Variants in NYX observed in about 807,000 individuals in gnomAD.
NYX encodes leucine-rich repeat protein.
For missense variants in NYX, 481 were observed against 485.4 expected (o/e 0.99, Z 0.09); for synonymous variants, 258 against 245.7 (o/e 1.05, Z -0.47).
chrX:41,463,089 C>T (rs781301117), intron 2 of NYX, among the ~76,000 whole-genome samples: 9 of 111,552 alleles, frequency 8.1e-5, no homozygotes, highest in African/African-American at 9.8e-5. Context: ...GTTATCTCCA[C>T]GAAGCTTTGT....
chrX:41,469,733 G>GCCT (rs2064352560), intron 2 of NYX, among the ~76,000 whole-genome samples: 1 of 109,787 alleles, frequency 9.1e-6, no homozygotes, highest in African/African-American at 3.3e-5. Context: ...TTTTAGTAGA[G>GCCT]ACAGGGTTTC....
At chrX:41,456,541 A>G (rs1432073007) in intron 2 of NYX, among the ~76,000 whole-genome samples, 1 of 111,842 alleles carries the variant, frequency 8.9e-6, no homozygotes, top group Admixed American at 9.5e-5. Flanking sequence ...TCCAGCAAAA[A>G]TCCTGTGGCC....
rs1313158649 is a variant in NYX, at chrX:41,447,508, C to T, written c.-65C>T. The T allele has an allele frequency of 4.5e-6, 1 of 222,179 alleles. No individual in the cohort carries two copies. The allele number at this position is 222,179 out of a possible 1,213,427, so 18.3% of individuals were successfully genotyped here. On this transcript the variant is annotated 5_prime_UTR_variant, in exon 1 of 3. Transcript: ENST00000378220. ...TCAGAGGAGCAGGACCAGGGAGACT[C>T]CCAGGACGGTAAGCAACATTTGAGG...
chrX:41,467,272 A>G (rs1005653529), intron 2 of NYX, among the ~76,000 whole-genome samples: 1 of 110,831 alleles, frequency 9.0e-6, no homozygotes, highest in Non-Finnish European at 1.9e-5. Context: ...CTAAACATGT[A>G]CTTAGTCTTT....
At chrX:41,450,445 A>G (rs1421982851) in intron 2 of NYX, among the ~76,000 whole-genome samples, 1 of 109,174 alleles carries the variant, frequency 9.2e-6, no homozygotes, top group Non-Finnish European at 1.9e-5. Context: ...TAATTTTTGT[A>G]TGTTTAGTAG....
At position 41,462,855 on chromosome X, in the gene NYX, TTAA is replaced by T. The variant is rs1244076409; in HGVS notation, c.23-10634_23-10632del. ...CTTCATATATTTTAAATACAAGTCTTTAATGAGATATGTGACTTACAAATATTT... is the reference window on the plus strand; with the variant it reads ...CTTCATATATTTTAAATACAAGTCTTTGAGATATGTGACTTACAAATATTT... On this transcript the variant is annotated intron_variant, in intron 2 of 2. Coordinates refer to ENST00000378220, the MANE Select transcript of NYX (RefSeq NM_001378477.3). 2.6e-4 allele frequency among the ~76,000 whole-genome samples: 29 copies of T among 112,463 alleles called. 1 individual carries two copies. Among genetic ancestry groups the T allele is most frequent in the African/African-American group, 9.3e-4 (29 of 31,079 alleles).
intron 2 of NYX, among the ~76,000 whole-genome samples, chrX:41,459,098 C>T (rs1292771113): frequency 9.0e-6 from 1 of 110,764 alleles, no homozygotes; most frequent in African/African-American, 3.3e-5. Flanking sequence ...ACAACAACAA[C>T]AACAACAAAG....
At chrX:41,466,904 G>A (rs2064341922) in intron 2 of NYX, among the ~76,000 whole-genome samples, 1 of 93,122 alleles carries the variant, frequency 1.1e-5, no homozygotes, top group Non-Finnish European at 2.1e-5. Flanking sequence ...CAAGAGATTT[G>A]CTTGCTTCAG....
At chrX:41,448,015 G>A in intron 2 of NYX, 89 bp downstream of exon 2, 1 of 911,727 alleles carries the variant, frequency 1.1e-6, no homozygotes, top group South Asian at 2.1e-5. Context: ...AGTGGCTTCT[G>A]GGACAGCGGT....
At chrX:41,472,668 C>T in intron 2 of NYX, 1 of 413,617 alleles carries the variant, frequency 2.4e-6, no homozygotes, top group East Asian at 3.7e-5. Context: ...TTGGCGAGGT[C>T]CGTGGCTACT....
rs768139938 is a variant in NYX at position 41,474,592 on chromosome X, G to A, written c.1124G>A (p.Arg375His). ...GACCTCAGCCAGGTGACCTTCGGGC[G>A]CTCCTCCGATGGCCTCTGTGTGGAC... ...GLDLSQVTFG[R>H]SSDGLCVDPE... Residue 375 changes from arginine (R) to histidine (H), a missense_variant, in exon 3 of 3, where the codon CGC (arginine) becomes CAC (histidine). Transcript: ENST00000378220. 1.0e-5 allele frequency: 12 copies of A among 1,195,937 alleles called. No homozygotes were observed. The highest frequency in any genetic ancestry group is 7.0e-5 in the African/African-American group (4 of 57,008).
At chrX:41,468,032 G>A (rs1569265752) in intron 2 of NYX, among the ~76,000 whole-genome samples, 1 of 111,513 alleles carries the variant, frequency 9.0e-6, no homozygotes, top group Admixed American at 9.6e-5. Flanking sequence ...AAGTTTCAGA[G>A]GCTAAAAATA....
At chrX:41,469,692 G>A (rs1174341147) in intron 2 of NYX, among the ~76,000 whole-genome samples, 1 of 109,819 alleles carries the variant, frequency 9.1e-6, no homozygotes, top group Admixed American at 9.8e-5. Context: ...GATTATAGGT[G>A]CATGCCACCA....
At chrX:41,472,554 G>T in intron 2 of NYX, 1 of 549,665 alleles carries the variant, frequency 1.8e-6, no homozygotes, top group East Asian at 3.4e-5. Context: ...TCTGACTACA[G>T]GGGGGCTCTG....
chrX:41,467,868 AG>A (rs1267232064), intron 2 of NYX, among the ~76,000 whole-genome samples: 1 of 110,716 alleles, frequency 9.0e-6, no homozygotes, highest in Non-Finnish European at 1.9e-5. Context: ...TATATTGCCC[AG>A]GCTGGTCTGA....
At chrX:41,456,973 G>A (rs2064300689) in intron 2 of NYX, among the ~76,000 whole-genome samples, 1 of 111,189 alleles carries the variant, frequency 9.0e-6, no homozygotes, top group Admixed American at 9.7e-5. Flanking sequence ...ATTAGGTCCT[G>A]AGAGTGGAGC....
chrX:41,463,712 C>A (rs1449083429), intron 2 of NYX, among the ~76,000 whole-genome samples: 1 of 110,624 alleles, frequency 9.0e-6, no homozygotes, highest in Admixed American at 9.7e-5. Context: ...TGAGCCACCA[C>A]GTCCAGCCCA....
intron 2 of NYX, among the ~76,000 whole-genome samples, chrX:41,449,209 G>A (rs1183062772): frequency 9.0e-5 from 10 of 111,614 alleles, no homozygotes; most frequent in Non-Finnish European, 1.7e-4. Context: ...CTATGTAATA[G>A]ACCTCTGTAT....
rs1186396510 is a variant in NYX, at chrX:41,472,640, A to C, written c.23-851A>C. 2.3e-4 allele frequency: 104 copies of C among 459,276 alleles called. 1 individual carries two copies. Among genetic ancestry groups the C allele is most frequent in the Non-Finnish European group, 2.6e-4 (67 of 261,887 alleles). The allele number at this position is 459,276 out of a possible 1,213,427, so 37.8% of individuals were successfully genotyped here. ...CCGGAGCACAGGCACAGGAAAGGTC[A>C]CTGGAGCCTGCATTGTCTTGGCGAG... is the stretch of plus-strand genomic sequence containing the variant. On this transcript the variant is annotated intron_variant, in intron 2 of 2. Coordinates refer to ENST00000378220, the MANE Select transcript of NYX (RefSeq NM_001378477.3).
Sources: gnomAD v4.1 joint callset for allele counts (sites outside exome capture counted in the v4.1 genomes callset) on GRCh38, gnomAD v4.1.1 for gene constraint, MANE v1.5 for transcripts, NCBI Gene and HGNC (gene_info 2026-07-23, HGNC 2026-07-21) for gene names.